The following CERS6 variants were observed in gnomAD, a reference collection of about 807,000 sequenced individuals.
CERS6 encodes the protein ceramide synthase 6, also known as LAG1 homolog, ceramide synthase 6.
A neutral mutation model predicts 56.8 loss-of-function variants in CERS6; 26 were observed. The ratio of observed to expected loss-of-function variants is 0.46; its 90% CI spans 0.34 to 0.63. CERS6 has a LOEUF of 0.63. Ranked by LOEUF, CERS6 falls within the 30% of genes least tolerant of loss-of-function variation. The pLI is 0.01. For synonymous variants in CERS6, 164 were observed against 173.3 expected, an observed-to-expected ratio of 0.95 and a Z score of 0.42; for missense variants, 415 against 467.5, an observed-to-expected ratio of 0.89 and a Z score of 1.04.
rs745452074 is a variant in CERS6 at position 168,770,386 on chromosome 2, A to ATTTGTTTG, written c.*736_*743dup. The ATTTGTTTG allele has an allele frequency of 6.6e-6, 1 of 152,122 alleles. No homozygotes were observed. Among genetic ancestry groups the ATTTGTTTG allele is most frequent in the Admixed American group, 6.5e-5 (1 of 15,274 alleles). The allele number at this position is 152,122 out of a possible 1,614,324, so 9.4% of individuals were successfully genotyped here. Reference sequence around the variant, plus strand: ...GTTAACCTTGTAGGTTGCAGAGTGTATTTGTTTGTTTGTTTGTTTTTCTCT... The same window carrying ATTTGTTTG: ...GTTAACCTTGTAGGTTGCAGAGTGTATTTGTTTGTTTGTTTGTTTGTTTGTTTTTCTCT... On this transcript the variant is annotated 3_prime_UTR_variant, in exon 10 of 10. Coordinates refer to ENST00000305747, the MANE Select transcript of CERS6 (RefSeq NM_203463.3).
intron 1 of CERS6, among the ~76,000 whole-genome samples, chr2:168,505,844 GT>G (rs1040841171): frequency 1.9e-4 from 29 of 152,242 alleles, no homozygotes; most frequent in African/African-American, 7.0e-4. Flanking sequence ...TTTAGGAGCT[GT>G]TTTTTGTATT....
At chr2:168,550,868 C>T (rs955789861) in intron 2 of CERS6, among the ~76,000 whole-genome samples, 6 of 152,202 alleles carry the variant, frequency 3.9e-5, no homozygotes, top group African/African-American at 7.2e-5. Flanking sequence ...TGTTTGCACT[C>T]GGCCCTCCAC....
intron 4 of CERS6, among the ~76,000 whole-genome samples, chr2:168,645,187 A>AGAGAGAGAGAGT (rs1685166360): frequency 1.1e-5 from 1 of 95,180 alleles, no homozygotes; most frequent in African/African-American, 4.9e-5. Context: ...AGAGAGAGAG[A>AGAGAGAGAGAGT]GAGTAACTTC....
At chr2:168,560,443 C>G (rs1695766800) in intron 2 of CERS6, among the ~76,000 whole-genome samples, 2 of 152,148 alleles carry the variant, frequency 1.3e-5, no homozygotes, top group Non-Finnish European at 2.9e-5. Context: ...GATGAGGAAA[C>G]TGAGGCTCAG....
intron 8 of CERS6, among the ~76,000 whole-genome samples, chr2:168,748,490 C>G (rs1424876458): frequency 1.3e-5 from 2 of 152,202 alleles, no homozygotes; most frequent in African/African-American, 2.4e-5. Context: ...TCTAAAGCCA[C>G]AACTTGGAAG....
At chr2:168,564,108 GT>G (rs760755199) in intron 3 of CERS6, among the ~76,000 whole-genome samples, 2 of 152,130 alleles carry the variant, frequency 1.3e-5, no homozygotes, top group Non-Finnish European at 1.5e-5. Flanking sequence ...TCCAGATTTA[GT>G]CTTCAATCTC....
intron 7 of CERS6, among the ~76,000 whole-genome samples, chr2:168,717,438 G>T (rs1687252211): frequency 6.6e-6 from 1 of 152,104 alleles, no homozygotes; most frequent in Non-Finnish European, 1.5e-5. Flanking sequence ...AAAGTTTGTG[G>T]CCCCGGTATT....
At chr2:168,471,892 A>G (rs781187667) in intron 1 of CERS6, among the ~76,000 whole-genome samples, 1 of 152,154 alleles carries the variant, frequency 6.6e-6, no homozygotes, top group Admixed American at 6.6e-5. Flanking sequence ...TGTTGAGAAG[A>G]GGTTACACTT....
intron 3 of CERS6, among the ~76,000 whole-genome samples, chr2:168,566,132 C>T (rs1240148443): frequency 6.6e-6 from 1 of 152,120 alleles, no homozygotes; most frequent in South Asian, 2.1e-4. Flanking sequence ...TTTTGAGTAT[C>T]GTGCAGTACA....
At chr2:168,626,415 A>G (rs1206020235) in intron 3 of CERS6, among the ~76,000 whole-genome samples, 4 of 152,118 alleles carry the variant, frequency 2.6e-5, no homozygotes, top group Admixed American at 2.0e-4. Context: ...ACACCTGGCA[A>G]CAAGACCTGA....
chr2:168,766,445 A>C, intron 9 of CERS6: 1 of 1,057,920 alleles, frequency 9.5e-7, no homozygotes, highest in Non-Finnish European at 1.5e-6. Flanking sequence ...TGTTCTGTCT[A>C]ACCTATTGGC....
intron 3 of CERS6, among the ~76,000 whole-genome samples, chr2:168,617,190 A>G (rs954446826): frequency 5.3e-5 from 8 of 152,182 alleles, no homozygotes; most frequent in South Asian, 4.1e-4. Flanking sequence ...CTGAATGACA[A>G]TAGTGGCTCA....
intron 1 of CERS6, among the ~76,000 whole-genome samples, chr2:168,463,795 G>A (rs1256711006): frequency 6.6e-6 from 1 of 152,092 alleles, no homozygotes; most frequent in South Asian, 2.1e-4. Flanking sequence ...TGTAGTCCTA[G>A]CTACCTGGGA....
At chr2:168,689,182 G>A (rs1686432996) in intron 4 of CERS6, among the ~76,000 whole-genome samples, 1 of 152,152 alleles carries the variant, frequency 6.6e-6, no homozygotes, top group South Asian at 2.1e-4. Flanking sequence ...GTGCTGAACT[G>A]TGAACTTGGA....
chr2:168,603,897 A>C (rs1683991470), intron 3 of CERS6, among the ~76,000 whole-genome samples: 1 of 152,166 alleles, frequency 6.6e-6, no homozygotes, highest in South Asian at 2.1e-4. Flanking sequence ...TGTTCTCTCT[A>C]GTCCGTAGTC....
intron 8 of CERS6, among the ~76,000 whole-genome samples, chr2:168,758,864 A>G (rs780419523): frequency 1.3e-5 from 2 of 152,156 alleles, no homozygotes; most frequent in Non-Finnish European, 2.9e-5. Context: ...GGTAAAGCAT[A>G]ATGCTTTAAG....
chr2:168,467,860 G>C (rs73969224), intron 1 of CERS6, among the ~76,000 whole-genome samples: 1 of 152,106 alleles, frequency 6.6e-6, no homozygotes, highest in Non-Finnish European at 1.5e-5. Flanking sequence ...AAAATAAATG[G>C]GTATATGTGT....
intron 1 of CERS6, among the ~76,000 whole-genome samples, chr2:168,502,483 ATCTG>A (rs1384353402): frequency 6.6e-6 from 1 of 152,148 alleles, no homozygotes; most frequent in East Asian, 1.9e-4. Context: ...TGGCTGCTTC[ATCTG>A]CAGCATGGTT....
chr2:168,543,689 TG>T (rs1695413364), intron 1 of CERS6, among the ~76,000 whole-genome samples: 1 of 152,214 alleles, frequency 6.6e-6, no homozygotes, highest in Non-Finnish European at 1.5e-5. Flanking sequence ...TTCTTTCATT[TG>T]GGGTTCACTT....
Sources: gnomAD v4.1 joint callset for allele counts (sites outside exome capture counted in the v4.1 genomes callset) on GRCh38, gnomAD v4.1.1 for gene constraint, MANE v1.5 for transcripts, NCBI Gene and HGNC (gene_info 2026-07-23, HGNC 2026-07-21) for gene names.